PPP1R7: variants seen among roughly 807,000 people sequenced by gnomAD.
PPP1R7 encodes the protein protein phosphatase 1 regulatory subunit 7.
PPP1R7 carries 18 observed loss-of-function variants against 45.2 expected under a neutral mutation model. The ratio of observed to expected loss-of-function variants is 0.40; its 90% CI spans 0.28 to 0.59. The LOEUF (loss-of-function observed/expected upper bound fraction) is 0.59. PPP1R7 is among the 20% of genes least tolerant of loss of function. PPP1R7 has a pLI of 0.46. For missense variants in PPP1R7, 314 were observed against 455.8 expected (o/e 0.69, Z 2.83); for synonymous variants, 181 against 183.4 (o/e 0.99, Z 0.11).
rs1395821617 is a variant in PPP1R7, at chr2:241,166,284, T to TC, written c.715-52dup. 2.9e-5 allele frequency: 42 copies of TC among 1,444,026 alleles called. No homozygotes were observed. In the Middle Eastern group the frequency reaches 5.3e-4, roughly 18 times the overall value. 89.5% of individuals were successfully genotyped at this position (1,444,026 alleles called of 1,614,324 possible). On this transcript the variant is annotated intron_variant, in intron 7 of 9. Coordinates refer to ENST00000234038, the MANE Select transcript of PPP1R7 (RefSeq NM_002712.3). ...AAAACCTCGTTTCCTAAAAACCGTT[T>TC]CATTTCATACCTTCTGTACTGTTCT...
chr2:241,158,641 T>C (rs2067515340), intron 4 of PPP1R7, 92 bp downstream of exon 4: 2 of 1,297,524 alleles, frequency 1.5e-6, no homozygotes, highest in African/African-American at 1.5e-5. Flanking sequence ...TTGTGGTCCT[T>C]GTCCCAGCCT....
intron 9 of PPP1R7, among the ~76,000 whole-genome samples, chr2:241,180,556 G>C (rs1262662753): frequency 6.6e-6 from 1 of 152,122 alleles, no homozygotes; most frequent in East Asian, 1.9e-4. Context: ...CATCATTTTC[G>C]TGACTCTCCA....
At chr2:241,155,851 G>A (rs1330971554) in intron 2 of PPP1R7, among the ~76,000 whole-genome samples, 2 of 152,188 alleles carry the variant, frequency 1.3e-5, no homozygotes, top group Non-Finnish European at 2.9e-5. Flanking sequence ...GTTTATGAAC[G>A]GTGACTTGAC....
chr2:241,153,976 T>G (rs1000195562), intron 2 of PPP1R7, among the ~76,000 whole-genome samples: 4 of 151,256 alleles, frequency 2.6e-5, no homozygotes, highest in Non-Finnish European at 5.9e-5. Context: ...GGTCAGGAGA[T>G]CAAGCCCATC....
intron 6 of PPP1R7, among the ~76,000 whole-genome samples, chr2:241,161,458 T>C (rs2067588099): frequency 6.6e-6 from 1 of 152,062 alleles, no homozygotes; most frequent in South Asian, 2.1e-4. Flanking sequence ...TGGAGTGAAC[T>C]GATGTACATA....
At chr2:241,153,742 A>G in intron 2 of PPP1R7, 138 bp downstream of exon 2, 1 of 1,089,516 alleles carries the variant, frequency 9.2e-7, no homozygotes, top group Non-Finnish European at 1.3e-6. Context: ...TCAGTGGCCC[A>G]GGGCAGGTGG....
intron 9 of PPP1R7, among the ~76,000 whole-genome samples, chr2:241,177,666 G>T (rs933492573): frequency 3.9e-5 from 6 of 152,188 alleles, no homozygotes; most frequent in African/African-American, 7.2e-5. Flanking sequence ...GATGCATCCC[G>T]CCCCTGCCAT....
At chr2:241,163,907 T>C (rs1380839693) in intron 7 of PPP1R7, among the ~76,000 whole-genome samples, 2 of 151,354 alleles carry the variant, frequency 1.3e-5, no homozygotes, top group African/African-American at 4.9e-5. Context: ...GAGTCACCAC[T>C]CGTGGCCTTT....
intron 6 of PPP1R7, among the ~76,000 whole-genome samples, chr2:241,161,874 C>T (rs1047471850): frequency 6.6e-6 from 1 of 152,208 alleles, no homozygotes; most frequent in Non-Finnish European, 1.5e-5. Flanking sequence ...GGTCATGGCA[C>T]GGAGCCTTTG....
At chr2:241,156,282 C>T (rs2125483172) in intron 2 of PPP1R7, among the ~76,000 whole-genome samples, 1 of 152,352 alleles carries the variant, frequency 6.6e-6, no homozygotes, top group Non-Finnish European at 1.5e-5. Context: ...ACATCCTATG[C>T]ATATAATTCA....
chr2:241,150,388 G>A, upstream of PPP1R7: 1 of 1,343,176 alleles, frequency 7.4e-7, no homozygotes, highest in Non-Finnish European at 9.6e-7. Flanking sequence ...CGGCGCGGCT[G>A]AAGTCGCCGC....
intron 9 of PPP1R7, among the ~76,000 whole-genome samples, chr2:241,182,113 C>T (rs769902834): frequency 2.0e-5 from 3 of 152,226 alleles, no homozygotes; most frequent in African/African-American, 4.8e-5. Context: ...CCTCTGAATC[C>T]CACCTGCTCA....
chr2:241,165,178 T>G (rs1391806300), intron 7 of PPP1R7, among the ~76,000 whole-genome samples: 1 of 152,250 alleles, frequency 6.6e-6, no homozygotes, highest in African/African-American at 2.4e-5. Flanking sequence ...TTTTTTGGTT[T>G]TTTTTTGAGA....
At chr2:241,158,926 A>G in intron 4 of PPP1R7, 1 of 429,668 alleles carries the variant, frequency 2.3e-6, no homozygotes, top group Non-Finnish European at 4.3e-6. Flanking sequence ...AGTGGCAGAC[A>G]CCCACACCCC....
At chr2:241,166,524 C>A in intron 8 of PPP1R7, 83 bp downstream of exon 8, 1 of 1,173,600 alleles carries the variant, frequency 8.5e-7, no homozygotes, top group African/African-American at 1.5e-5. Flanking sequence ...CACACACTGG[C>A]CTCTCGGGCC....
upstream of PPP1R7, chr2:241,150,376 C>T: frequency 3.0e-6 from 4 of 1,337,002 alleles, no homozygotes; most frequent in South Asian, 1.9e-5. Flanking sequence ...CCCACGCAGG[C>T]GCGGCGCGGC....
At chr2:241,149,684 T>C (rs1471217556), upstream of PPP1R7, 3 of 1,549,148 alleles carry the variant, frequency 1.9e-6, no homozygotes, top group South Asian at 3.6e-5. Context: ...AGATGCGGTT[T>C]CCTCCCGACT....
chr2:241,153,350 T>C (rs1307672628), intron 1 of PPP1R7, 126 bp from the exon 2 acceptor site: 1 of 1,298,574 alleles, frequency 7.7e-7, no homozygotes, highest in Non-Finnish European at 1.1e-6. Flanking sequence ...ACTCAGATGT[T>C]CGTTGAACTG....
chr2:241,170,076 A>G (rs951838848), intron 9 of PPP1R7, among the ~76,000 whole-genome samples: 3 of 152,362 alleles, frequency 2.0e-5, no homozygotes, highest in African/African-American at 4.8e-5. Flanking sequence ...CAGCATTGAC[A>G]TAGCTTGTTA....
Sources: allele counts gnomAD v4.1 joint callset (sites outside exome capture counted in the v4.1 genomes callset), GRCh38; gene constraint gnomAD v4.1.1; transcripts MANE v1.5; gene names NCBI Gene and HGNC (gene_info 2026-07-23, HGNC 2026-07-21).